Variants in ASAP1 observed in about 807,000 individuals in gnomAD.
ASAP1 encodes ArfGAP with SH3 domain, ankyrin repeat and PH domain 1.
A neutral mutation model predicts 145.2 loss-of-function variants in ASAP1; 43 were observed. The observed-to-expected ratio is 0.30, with a 90% CI of 0.23 to 0.38. The LOEUF is 0.38. Among genes scored for constraint, ASAP1 ranks in the 10% least tolerant of loss-of-function variants. The probability of loss-of-function intolerance (pLI) is 1.00; values close to 1 mark genes in which losing one functional copy is unlikely to be tolerated. For missense variants in ASAP1, 1,018 were observed against 1,355.3 expected, an observed-to-expected ratio of 0.75 and a Z score of 3.91; for synonymous variants, 546 against 515.5, an observed-to-expected ratio of 1.06 and a Z score of -0.80.
rs1431357983 is a variant in ASAP1, at chr8:130,216,026, GGAAAGGAAAAAGGAAAGGAAAA to G, written c.260-1347_260-1326del. On this transcript the variant is annotated intron_variant, in intron 4 of 29. Coordinates refer to ENST00000518721, the MANE Select transcript of ASAP1 (RefSeq NM_018482.4). ...AAAGGAAAGGAAAGGAAAAAGGAAA[GGAAAGGAAAAAGGAAAGGAAAA>G]GAAAGAAAAGGAAAAAGGAAAGGAA... is the stretch of plus-strand genomic sequence containing the variant. 4.6e-4 allele frequency among the ~76,000 whole-genome samples: 65 copies of G among 141,144 alleles called. 1 individual carries two copies. The highest frequency in any genetic ancestry group is 1.6e-3 in the South Asian group (7 of 4,400). 92.6% of individuals were successfully genotyped at this position (141,144 alleles called of 152,430 possible).
At chr8:130,121,294 C>T (rs1207666373) in intron 18 of ASAP1, among the ~76,000 whole-genome samples, 3 of 152,204 alleles carry the variant, frequency 2.0e-5, no homozygotes, top group African/African-American at 7.2e-5. Context: ...GTTTCTCAAC[C>T]TCAGCCCTAC....
chr8:130,296,435 G>A (rs1303680589), intron 3 of ASAP1, among the ~76,000 whole-genome samples: 2 of 152,084 alleles, frequency 1.3e-5, no homozygotes, highest in Non-Finnish European at 2.9e-5. Context: ...GCTTACTCCA[G>A]GGCAAAACTC....
At chr8:130,107,242 G>C (rs533012807) in intron 24 of ASAP1, among the ~76,000 whole-genome samples, 1 of 146,596 alleles carries the variant, frequency 6.8e-6, no homozygotes, top group East Asian at 2.1e-4. Context: ...GAGAGAAGTG[G>C]CACAATCTCG....
At chr8:130,370,130 G>A (rs1306164162) in intron 2 of ASAP1, among the ~76,000 whole-genome samples, 1 of 152,032 alleles carries the variant, frequency 6.6e-6, no homozygotes, top group Admixed American at 6.6e-5. Flanking sequence ...GCAAAACCCC[G>A]TCTCTACCAA....
chr8:130,411,500 T>C (rs1829262958), intron 1 of ASAP1, among the ~76,000 whole-genome samples: 2 of 152,224 alleles, frequency 1.3e-5, no homozygotes, highest in South Asian at 4.1e-4. Flanking sequence ...TTCTCTTCTC[T>C]GTCTCCCTTC....
At chr8:130,407,102 C>T (rs559798496) in intron 1 of ASAP1, among the ~76,000 whole-genome samples, 106 of 152,292 alleles carry the variant, frequency 7.0e-4, no homozygotes, top group African/African-American at 2.5e-3. Flanking sequence ...ATGGTTGGCT[C>T]CCCGTAACTG....
chr8:130,357,564 C>T (rs1826399143), intron 3 of ASAP1, among the ~76,000 whole-genome samples: 2 of 152,280 alleles, frequency 1.3e-5, no homozygotes, highest in Non-Finnish European at 2.9e-5. Context: ...GCAGCTACGC[C>T]TGCCTGGTCC....
intron 27 of ASAP1, among the ~76,000 whole-genome samples, chr8:130,072,828 C>CGT (rs1158661625): frequency 4.3e-4 from 12 of 27,716 alleles, no homozygotes; most frequent in Middle Eastern, 0.053. Context: ...TGTGTGTGCG[C>CGT]GCGGGGGGGG....
chr8:130,372,012 T>C (rs1341836981), intron 2 of ASAP1, among the ~76,000 whole-genome samples: 6 of 152,194 alleles, frequency 3.9e-5, no homozygotes, highest in Admixed American at 1.3e-4. Flanking sequence ...TCCTCTGTGT[T>C]TGGGATTGTA....
chr8:130,397,974 A>G (rs1284189711), intron 2 of ASAP1, among the ~76,000 whole-genome samples: 1 of 152,248 alleles, frequency 6.6e-6, no homozygotes, highest in Non-Finnish European at 1.5e-5. Flanking sequence ...ATAAGTAATA[A>G]GCAGTTATCA....
At chr8:130,196,243 G>A (rs1210169021) in intron 5 of ASAP1, among the ~76,000 whole-genome samples, 1 of 151,990 alleles carries the variant, frequency 6.6e-6, no homozygotes, top group Non-Finnish European at 1.5e-5. Context: ...TCAGGAGGCT[G>A]AAGCAGGAGA....
intron 5 of ASAP1, among the ~76,000 whole-genome samples, chr8:130,191,359 G>A (rs756080208): frequency 1.1e-4 from 16 of 152,170 alleles, no homozygotes; most frequent in Admixed American, 7.2e-4. Context: ...AGATGGAAAG[G>A]TTTGTGGGTC....
intron 7 of ASAP1, among the ~76,000 whole-genome samples, chr8:130,185,729 C>CAAAAAAAAAAAAAAAAAAAAAA (rs778486303): frequency 3.2e-4 from 18 of 56,962 alleles, no homozygotes; most frequent in East Asian, 4.9e-4. Context: ...AACTCCGCCT[C>CAAAAAAAAAAAAAAAAAAAAAA]AAAAAAAAAA....
rs983569327 is a variant in ASAP1, at chr8:130,052,351, A to G, written c.*2380T>C. ...ATAGCAATTGCTGTTCAACAGTAAA[A>G]TAAGACACACACTATTTGCAGAACA... is the stretch of plus-strand genomic sequence containing the variant. On this transcript the variant is annotated 3_prime_UTR_variant, in exon 30 of 30. Coordinates refer to ENST00000518721, the MANE Select transcript of ASAP1 (RefSeq NM_018482.4). 3 of 152,544 alleles carry G rather than the reference A, an allele frequency of 2.0e-5. No individual in the cohort carries two copies. The highest frequency in any genetic ancestry group is 4.4e-5 in the Non-Finnish European group (3 of 68,044). The allele number at this position is 152,544 out of a possible 1,614,324, so 9.4% of individuals were successfully genotyped here. A position where few individuals can be genotyped will look rare whatever the true frequency, so the allele number is the denominator to read the frequency against.
intron 1 of ASAP1, among the ~76,000 whole-genome samples, chr8:130,406,468 T>C (rs1054506936): frequency 6.6e-6 from 1 of 151,778 alleles, no homozygotes; most frequent in Non-Finnish European, 1.5e-5. Context: ...CCTTTCATAC[T>C]TTAGTTCTTT....
At chr8:130,250,817 C>A (rs1819148710) in intron 3 of ASAP1, among the ~76,000 whole-genome samples, 1 of 152,036 alleles carries the variant, frequency 6.6e-6, no homozygotes, top group Non-Finnish European at 1.5e-5. Context: ...TTGTAGAAAA[C>A]TGTTTCTGAG....
chr8:130,362,986 A>T lies in ASAP1; in HGVS notation c.60-4843T>A, dbSNP rs566152874. ...GAGCATGAATTATGGGCTGATTCTC[A>T]CATAAAAAAGATAGGCTCCCGTCTC... On this transcript the variant is annotated intron_variant, in intron 2 of 29. Transcript: ENST00000518721. Among the ~76,000 whole-genome samples the T allele has an allele frequency of 6.8e-4, 104 of 152,302 alleles. 1 individual carries two copies. In the South Asian group the frequency reaches 0.021, roughly 31 times the overall value.
chr8:130,434,597 C>T (rs929322139), intron 1 of ASAP1, among the ~76,000 whole-genome samples: 6 of 152,112 alleles, frequency 3.9e-5, no homozygotes, highest in Middle Eastern at 3.2e-3. Context: ...ACAAATGCTC[C>T]TACCCTCCAC....
At chr8:130,389,027 G>A (rs1828151716) in intron 2 of ASAP1, among the ~76,000 whole-genome samples, 1 of 152,220 alleles carries the variant, frequency 6.6e-6, no homozygotes, top group Non-Finnish European at 1.5e-5. Flanking sequence ...TCACAGGATT[G>A]TTGTAAGGAT....
Sources: allele counts gnomAD v4.1 joint callset (sites outside exome capture counted in the v4.1 genomes callset), GRCh38; gene constraint gnomAD v4.1.1; transcripts MANE v1.5; gene names NCBI Gene and HGNC (gene_info 2026-07-23, HGNC 2026-07-21).